The following CWH43 variants were observed in gnomAD, a reference collection of about 807,000 sequenced individuals.
The protein encoded by CWH43 is PGAP2-interacting protein.
Under a neutral mutation model 85.7 loss-of-function variants are expected in CWH43, and 91 were observed. That is an observed-to-expected ratio of 1.06 (90% CI 0.90 to 1.26). The LOEUF (loss-of-function observed/expected upper bound fraction) is 1.26, where lower values mean the gene tolerates loss of function less well. Ranked by LOEUF, CWH43 falls within the 50% of genes most tolerant of loss-of-function variation. CWH43 has a pLI of 0.00. For synonymous variants in CWH43, 323 were observed against 293.6 expected (o/e 1.10, Z -1.02); for missense variants, 869 against 839.2 (o/e 1.04, Z -0.44).
intron 12 of CWH43, among the ~76,000 whole-genome samples, chr4:49,034,082 A>G (rs1784187410): frequency 6.6e-6 from 1 of 152,210 alleles, no homozygotes; most frequent in Non-Finnish European, 1.5e-5. Flanking sequence ...ATTAATATGA[A>G]CCATTTATGA....
chr4:49,003,344 C>T (rs1783052762), intron 6 of CWH43, among the ~76,000 whole-genome samples: 1 of 152,168 alleles, frequency 6.6e-6, no homozygotes, highest in East Asian at 1.9e-4. Context: ...CTAGAAACCA[C>T]ACTCTACCTG....
chr4:48,997,433 A>T (rs1389415133), intron 5 of CWH43, among the ~76,000 whole-genome samples: 2 of 152,100 alleles, frequency 1.3e-5, no homozygotes, highest in Admixed American at 1.3e-4. Context: ...GGAGAAAGGG[A>T]TCGTTGTTCA....
chr4:48,994,813 C>T lies in CWH43; in HGVS notation c.706C>T (p.Pro236Ser). The change falls in exon 5 of 16, where the codon CCA becomes TCA. Residue 236 changes from proline (P) to serine (S), a missense_variant. Coordinates refer to ENST00000226432, the MANE Select transcript of CWH43 (RefSeq NM_025087.3). ...TCCACATCCAGGGCCAGATCCTAAC[C>T]CATTTGGGTGAGTTTGGGTTTGGAA... is the stretch of plus-strand genomic sequence containing the variant. Reference protein sequence around the residue: ...GHPHPGPDPNPFGGAVLLCLA... With the variant: ...GHPHPGPDPNSFGGAVLLCLA... The T allele has an allele frequency of 4.3e-6, 7 of 1,613,694 alleles. No individual in the cohort carries two copies. The highest frequency in any genetic ancestry group is 5.1e-6 in the Non-Finnish European group (6 of 1,179,932).
At chr4:49,058,837 T>C (rs941935327) in intron 15 of CWH43, among the ~76,000 whole-genome samples, 3 of 152,242 alleles carry the variant, frequency 2.0e-5, no homozygotes, top group Admixed American at 6.5e-5. Flanking sequence ...GATAGTCTTA[T>C]AGGTGTTCCC....
chr4:48,994,767 C>A lies in CWH43; in HGVS notation c.660C>A (p.Ser220=). The change falls in exon 5 of 16, where the codon TCC becomes TCA. Residue 220 remains serine, a synonymous_variant. Coordinates refer to ENST00000226432, the MANE Select transcript of CWH43 (RefSeq NM_025087.3). The part of the protein sequence containing the change: ...HWVFGEVSLV[S]RWAVSGHPHP... ...TTTTTGGAGAAGTCTCTCTTGTTTC[C>A]AGATGGGCAGTGAGTGGGCATCCAC... 1 of 1,614,004 alleles carries A rather than the reference C, an allele frequency of 6.2e-7. No individual in the cohort carries two copies. Among genetic ancestry groups the A allele is most frequent in the Non-Finnish European group, 8.5e-7 (1 of 1,180,030 alleles).
chr4:49,036,525 T>G (rs1188676684), intron 12 of CWH43, among the ~76,000 whole-genome samples: 1 of 152,212 alleles, frequency 6.6e-6, no homozygotes, highest in African/African-American at 2.4e-5. Context: ...CTCAACAAGG[T>G]TTCTCCAGTC....
Position 48,986,700 on chromosome 4 carries a change from C to T in CWH43, c.43+228C>T, listed in dbSNP as rs1433253496. 10 of 1,352,816 alleles carry T rather than the reference C, an allele frequency of 7.4e-6. No individual in the cohort carries two copies. The South Asian group carries it at 1.6e-4, about 22-fold the overall frequency. The allele number at this position is 1,352,816 out of a possible 1,614,324, so 83.8% of individuals were successfully genotyped here. The stretch of plus-strand genomic sequence containing the variant: ...GAGTCTGCGAGGCGCCCGCGAGAGA[C>T]CCCGTCGCCCGAGTTCCCAGCAGCC... On this transcript the variant is annotated intron_variant, in intron 1 of 15. Transcript: ENST00000226432.
intron 14 of CWH43, among the ~76,000 whole-genome samples, chr4:49,047,293 C>T (rs930136396): frequency 2.0e-5 from 3 of 152,084 alleles, no homozygotes; most frequent in Non-Finnish European, 2.9e-5. Flanking sequence ...CAACAAGTAT[C>T]GATCTAGCAG....
At chr4:49,050,880 T>G in intron 15 of CWH43, 31 bp downstream of exon 15, 1 of 1,538,248 alleles carries the variant, frequency 6.5e-7, no homozygotes, top group Non-Finnish European at 8.9e-7. Context: ...GTTCCAGTTA[T>G]GAGCTACTGC....
chr4:48,989,862 T>A (rs1782604178), intron 2 of CWH43, among the ~76,000 whole-genome samples: 1 of 152,220 alleles, frequency 6.6e-6, no homozygotes, highest in Admixed American at 6.5e-5. Context: ...GCTCCAGAAA[T>A]AACAAATGAA....
rs765839486 is a variant in CWH43 at position 49,017,227 on chromosome 4, A to T, written c.1187-22A>T. ...ATTTTATTTATTTTAAAAAAACCCA[A>T]TTATTTCTTTTTTCTGTTTAGTTCT... On this transcript the variant is annotated intron_variant, in intron 8 of 15. Coordinates refer to ENST00000226432, the MANE Select transcript of CWH43 (RefSeq NM_025087.3). 3.8e-5 allele frequency: 61 copies of T among 1,586,234 alleles called. 1 individual carries two copies. In the Middle Eastern group the frequency reaches 5.6e-4, roughly 15 times the overall value.
At chr4:49,019,944 T>C (rs1783686951) in intron 9 of CWH43, among the ~76,000 whole-genome samples, 1 of 152,122 alleles carries the variant, frequency 6.6e-6, no homozygotes, top group Admixed American at 6.6e-5. Context: ...AGGTGATTTC[T>C]GAGATTTTAG....
At chr4:49,040,884 A>G (rs1439353879) in intron 13 of CWH43, among the ~76,000 whole-genome samples, 1 of 152,160 alleles carries the variant, frequency 6.6e-6, no homozygotes, top group Non-Finnish European at 1.5e-5. Context: ...TAGGTCTAAC[A>G]TTGAAGTCTT....
At chr4:48,986,892 G>A in intron 1 of CWH43, 1 of 828,440 alleles carries the variant, frequency 1.2e-6, no homozygotes, top group Non-Finnish European at 1.5e-6. Flanking sequence ...TTCCCCAGGA[G>A]CTGTAGGTGG....
chr4:49,011,504 T>A (rs1158478790), intron 8 of CWH43, among the ~76,000 whole-genome samples: 1 of 152,210 alleles, frequency 6.6e-6, no homozygotes, highest in African/African-American at 2.4e-5. Flanking sequence ...GATCCTATCA[T>A]TATGATGTTA....
intron 5 of CWH43, among the ~76,000 whole-genome samples, chr4:48,995,239 C>T (rs1456883768): frequency 2.6e-5 from 4 of 152,178 alleles, no homozygotes; most frequent in Non-Finnish European, 5.9e-5. Flanking sequence ...AGGTTGGCTG[C>T]CTGGGGCACA....
chr4:49,029,644 A>T (rs1317810261), intron 10 of CWH43, among the ~76,000 whole-genome samples: 3 of 152,340 alleles, frequency 2.0e-5, no homozygotes, highest in South Asian at 2.1e-4. Context: ...ATCCAATTAT[A>T]CATTTGTTCT....
intron 7 of CWH43, among the ~76,000 whole-genome samples, chr4:49,004,774 A>T (rs765525373): frequency 1.2e-4 from 18 of 152,342 alleles, no homozygotes; most frequent in Non-Finnish European, 2.4e-4. Context: ...TAGAACAAAT[A>T]TATTTACCAT....
intron 14 of CWH43, among the ~76,000 whole-genome samples, chr4:49,046,366 T>TA (rs760340906): frequency 1.9e-4 from 29 of 151,990 alleles, no homozygotes; most frequent in Non-Finnish European, 3.5e-4. Flanking sequence ...TACTAAATCC[T>TA]CTTTATGTAC....
Sources: gnomAD v4.1 joint callset for allele counts (sites outside exome capture counted in the v4.1 genomes callset) on GRCh38, gnomAD v4.1.1 for gene constraint, MANE v1.5 for transcripts, NCBI Gene and HGNC (gene_info 2026-07-23, HGNC 2026-07-21) for gene names.